MAGI3: variants seen among roughly 807,000 people sequenced by gnomAD.
The protein encoded by MAGI3 is membrane associated guanylate kinase, WW and PDZ domain containing 3.
MAGI3 carries 43 observed loss-of-function variants against 121.8 expected under a neutral mutation model. The observed-to-expected ratio is 0.35, with a 90% CI of 0.28 to 0.46. MAGI3 has a LOEUF of 0.46. MAGI3 is among the 20% of genes least tolerant of loss of function. The probability of loss-of-function intolerance (pLI) is 1.00; values close to 1 mark genes in which losing one functional copy is unlikely to be tolerated. For missense variants in MAGI3, 1,547 were observed against 1,797.3 expected, an observed-to-expected ratio of 0.86 and a Z score of 2.52; for synonymous variants, 553 against 639.3, an observed-to-expected ratio of 0.86 and a Z score of 2.04.
chr1:113,466,293 G>T (rs1655282040), intron 1 of MAGI3, among the ~76,000 whole-genome samples: 1 of 152,150 alleles, frequency 6.6e-6, no homozygotes, highest in African/African-American at 2.4e-5. Context: ...CGCATTTATT[G>T]ATTTGCATAC....
At chr1:113,550,792 T>G (rs1319476604) in intron 2 of MAGI3, among the ~76,000 whole-genome samples, 2 of 150,376 alleles carry the variant, frequency 1.3e-5, no homozygotes, top group African/African-American at 4.9e-5. Context: ...AAAAAATATA[T>G]ATATATTTTT....
chr1:113,432,256 C>A (rs1179303464), intron 1 of MAGI3, among the ~76,000 whole-genome samples: 1 of 152,156 alleles, frequency 6.6e-6, no homozygotes, highest in Non-Finnish European at 1.5e-5. Flanking sequence ...ATATTATTGA[C>A]CTTGTTCTAG....
chr1:113,599,987 T>C (rs1411748129), intron 6 of MAGI3, among the ~76,000 whole-genome samples: 6 of 152,168 alleles, frequency 3.9e-5, no homozygotes, highest in South Asian at 2.1e-4. Context: ...GTTATCTCAA[T>C]AGATGCAGAA....
At chr1:113,581,717 T>G (rs937259359) in intron 3 of MAGI3, among the ~76,000 whole-genome samples, 2 of 152,256 alleles carry the variant, frequency 1.3e-5, no homozygotes, top group Non-Finnish European at 2.9e-5. Flanking sequence ...ATCATGTCTC[T>G]CTCCTATTCA....
intron 1 of MAGI3, among the ~76,000 whole-genome samples, chr1:113,524,675 G>T: frequency 6.6e-6 from 1 of 152,110 alleles, no homozygotes; most frequent in Non-Finnish European, 1.5e-5. Flanking sequence ...TTTTGATTTT[G>T]CAGGCTCATA....
chr1:113,555,423 A>G (rs1397736563), intron 2 of MAGI3, among the ~76,000 whole-genome samples: 3 of 152,220 alleles, frequency 2.0e-5, no homozygotes, highest in African/African-American at 7.2e-5. Context: ...GTAAAACATC[A>G]GTAAGGTAAT....
At chr1:113,412,566 T>C (rs1422797651) in intron 1 of MAGI3, among the ~76,000 whole-genome samples, 1 of 152,222 alleles carries the variant, frequency 6.6e-6, no homozygotes, top group African/African-American at 2.4e-5. Context: ...ATTGCCATTC[T>C]AACTGGCATG....
At chr1:113,674,314 C>A (rs1647739291) in intron 19 of MAGI3, among the ~76,000 whole-genome samples, 1 of 151,148 alleles carries the variant, frequency 6.6e-6, no homozygotes, top group Non-Finnish European at 1.5e-5. Context: ...ATCACTTGAA[C>A]CTGGGAGGCA....
At chr1:113,626,389 A>G (rs1651242769) in intron 9 of MAGI3, among the ~76,000 whole-genome samples, 1 of 152,200 alleles carries the variant, frequency 6.6e-6, no homozygotes, top group Non-Finnish European at 1.5e-5. Flanking sequence ...GGAGTTTTAC[A>G]TCAGTACTTA....
At chr1:113,584,967 C>CATTT (rs1553202682) in intron 3 of MAGI3, among the ~76,000 whole-genome samples, 1 of 135,724 alleles carries the variant, frequency 7.4e-6, no homozygotes, top group African/African-American at 2.8e-5. Context: ...TAGATATTTC[C>CATTT]TTTTTTTTTT....
In MAGI3 at chr1:113,391,161, C is replaced by G. The variant is rs1392151534; in HGVS notation, c.128C>G (p.Pro43Arg). The change falls in exon 1 of 21, where the codon CCC (proline) becomes CGC (arginine). Residue 43 changes from proline to arginine, a missense_variant. By Grantham distance (103) the Pro-to-Arg change is moderately radical. Transcript: ENST00000307546. This position sits in a 1 kb window ranked among gnomAD's most constrained non-coding sequence, Gnocchi z 4.4. ...GGTGGCGCGGAGCGTGGCGAGTTCC[C>G]CTACCTGGGGCGGCTCCGCGAGGAG... ...IRGGAERGEF[P>R]YLGRLREEPG... The G allele has an allele frequency of 6.4e-7, 1 of 1,557,952 alleles. No individual in the cohort carries two copies. Among genetic ancestry groups the G allele is most frequent in the African/African-American group, 1.4e-5 (1 of 73,422 alleles).
intron 19 of MAGI3, 83 bp from the exon 20 acceptor site, chr1:113,681,115 T>C (rs1648189285): frequency 2.0e-6 from 3 of 1,516,340 alleles, no homozygotes. Flanking sequence ...CTTAGCAAGG[T>C]TGAATGGCTC....
chr1:113,574,691 T>A (rs1271537991), intron 2 of MAGI3, among the ~76,000 whole-genome samples: 2 of 152,168 alleles, frequency 1.3e-5, no homozygotes, highest in Non-Finnish European at 2.9e-5. Flanking sequence ...AAGGAGTATC[T>A]TAGTAGTGTT....
In MAGI3 at chr1:113,406,642, G is replaced by A. The variant is rs191937483; in HGVS notation, c.316+15293G>A. 5.3e-5 allele frequency among the ~76,000 whole-genome samples: 8 copies of A among 152,132 alleles called. No homozygotes were observed. In the East Asian group the frequency reaches 1.5e-3, roughly 29 times the overall value. On this transcript the variant is annotated intron_variant, in intron 1 of 20. Coordinates refer to ENST00000307546, the MANE Select transcript of MAGI3 (RefSeq NM_001142782.2). The stretch of plus-strand genomic sequence containing the variant: ...ATTAAAGTATTAAAGGCTGAGTGTG[G>A]TGGCACAGGCTTATAGTCCCAGCTA...
intron 5 of MAGI3, among the ~76,000 whole-genome samples, chr1:113,592,557 C>T (rs552749480): frequency 2.0e-5 from 3 of 152,200 alleles, no homozygotes; most frequent in South Asian, 4.1e-4. Context: ...CTATGTGGCT[C>T]CTAGGCCCCT....
chr1:113,506,506 G>A (rs1427096084), intron 1 of MAGI3, among the ~76,000 whole-genome samples: 1 of 150,556 alleles, frequency 6.6e-6, no homozygotes, highest in African/African-American at 2.4e-5. Flanking sequence ...ATGTCGTTCT[G>A]TTGTAATGAT....
chr1:113,412,518 A>C, intron 1 of MAGI3, among the ~76,000 whole-genome samples: 1 of 152,136 alleles, frequency 6.6e-6, no homozygotes, highest in Non-Finnish European at 1.5e-5. Context: ...ATTTATCCAC[A>C]TCCTCTCCAG....
At chr1:113,630,705 G>A (rs972724274) in intron 9 of MAGI3, among the ~76,000 whole-genome samples, 5 of 152,180 alleles carry the variant, frequency 3.3e-5, no homozygotes, top group Non-Finnish European at 5.9e-5. Flanking sequence ...TGACAGGGCA[G>A]CACTGAGTTC....
chr1:113,537,658 A>G (rs1659072378), intron 1 of MAGI3, among the ~76,000 whole-genome samples: 1 of 152,150 alleles, frequency 6.6e-6, no homozygotes, highest in South Asian at 2.1e-4. Flanking sequence ...GCATTCCCTC[A>G]GTGTAGTCCA....
Sources: gnomAD v4.1 joint callset for allele counts (sites outside exome capture counted in the v4.1 genomes callset) on GRCh38, gnomAD v4.1.1 for gene constraint, Gnocchi (gnomAD v3.1) non-coding constraint, MANE v1.5 for transcripts, NCBI Gene and HGNC (gene_info 2026-07-23, HGNC 2026-07-21) for gene names.